Variants in KAZN observed in about 807,000 individuals in gnomAD.
KAZN encodes kazrin, periplakin interacting protein.
KAZN carries 40 observed loss-of-function variants against 87.4 expected under a neutral mutation model. That is an observed-to-expected ratio of 0.46 (90% CI 0.36 to 0.60). The LOEUF (loss-of-function observed/expected upper bound fraction) is 0.60, where lower values mean the gene tolerates loss of function less well. KAZN is among the 20% of genes least tolerant of loss of function. The pLI is 0.00. For missense variants in KAZN, 898 were observed against 1,073.9 expected (o/e 0.84, Z 2.29); for synonymous variants, 466 against 458.3 (o/e 1.02, Z -0.22).
chr1:14,014,004 C>T (rs540588146), intron 1 of KAZN, among the ~76,000 whole-genome samples: 15 of 152,272 alleles, frequency 9.9e-5, no homozygotes, highest in Admixed American at 5.9e-4. Flanking sequence ...TCAGGAGGAA[C>T]GGGTGTTGCT....
rs1253074148 is a variant in KAZN at position 14,126,348 on chromosome 1, T to TC, written c.92-54083dup. Among the ~76,000 whole-genome samples, 19 of 69,434 alleles carry TC rather than the reference T, an allele frequency of 2.7e-4. No individual in the cohort carries two copies. In the East Asian group the frequency reaches 2.9e-3, roughly 11 times the overall value. The allele number at this position is 69,434 out of a possible 152,430, so 45.6% of individuals were successfully genotyped here. A position where few individuals can be genotyped will look rare whatever the true frequency, so the allele number is the denominator to read the frequency against. On this transcript the variant is annotated intron_variant, in intron 1 of 16. Transcript: ENST00000636203. ...CCATGTATCATAAAGGCAGAAGCTCTCCCCTCCCCCCCCCCGTCAAGATGC... is the reference window on the plus strand; with the variant it reads ...CCATGTATCATAAAGGCAGAAGCTCTCCCCCTCCCCCCCCCCGTCAAGATGC...
At position 14,735,783 on chromosome 1, in the gene KAZN, C is replaced by T. The variant is rs1462523900; in HGVS notation, c.226+136560C>T. Among the ~76,000 whole-genome samples the T allele has an allele frequency of 1.3e-5, 2 of 152,180 alleles. No individual in the cohort carries two copies. Among genetic ancestry groups the T allele is most frequent in the African/African-American group, 2.4e-5 (1 of 41,448 alleles). On this transcript the variant is annotated intron_variant, in intron 1 of 14. Transcript: ENST00000376030. This position sits in a 1 kb window ranked among gnomAD's most constrained non-coding sequence, Gnocchi z 4.3. ...ATGTCCACGATAGTCCAAGAAGCGC[C>T]GTCCCTGGCCCTGGGTTTGGTAAGT... is the stretch of plus-strand genomic sequence containing the variant.
intron 2 of KAZN, among the ~76,000 whole-genome samples, chr1:14,312,270 C>T (rs1557632626): frequency 6.6e-6 from 1 of 152,250 alleles, no homozygotes; most frequent in Admixed American, 6.5e-5. Context: ...ACATATAGCC[C>T]TGTTTCTTTC....
intron 1 of KAZN, among the ~76,000 whole-genome samples, chr1:14,139,877 A>T (rs1409988228): frequency 6.6e-6 from 1 of 152,020 alleles, no homozygotes; most frequent in African/African-American, 2.4e-5. Flanking sequence ...TAAAGCATGG[A>T]GTAATTGATT....
At chr1:15,048,145 C>A (rs538812414) in intron 4 of KAZN, among the ~76,000 whole-genome samples, 1 of 152,356 alleles carries the variant, frequency 6.6e-6, no homozygotes, top group East Asian at 1.9e-4. Flanking sequence ...TCGTCCCTCC[C>A]CCCATGTCCT....
At chr1:14,634,626 G>A (rs969163984) in intron 1 of KAZN, among the ~76,000 whole-genome samples, 2 of 152,160 alleles carry the variant, frequency 1.3e-5, no homozygotes, top group Non-Finnish European at 2.9e-5. Context: ...TCCCCTACCC[G>A]TTCAGTAACA....
rs1641797989 is a variant in KAZN at position 15,115,126 on chromosome 1, G to C, written c.*491G>C. On this transcript the variant is annotated 3_prime_UTR_variant, in exon 15 of 15. Transcript: ENST00000376030. The surrounding 1 kb of genome is among the most constrained non-coding windows in gnomAD (Gnocchi z 4.1). ...CTGCCTCTTGCCGAGACGTCGGACAGGGCGGGGGTTGGGGAACTCTCGGCT... is the reference window on the plus strand; with the variant it reads ...CTGCCTCTTGCCGAGACGTCGGACACGGCGGGGGTTGGGGAACTCTCGGCT... 6.5e-6 allele frequency: 1 copy of C among 153,538 alleles called. No homozygotes were observed. The highest frequency in any genetic ancestry group is 2.4e-5 in the African/African-American group (1 of 41,492). The allele number at this position is 153,538 out of a possible 1,614,324, so 9.5% of individuals were successfully genotyped here. A position where few individuals can be genotyped will look rare whatever the true frequency, so the allele number is the denominator to read the frequency against.
At chr1:14,916,167 G>GTTTT (rs1557616892) in intron 1 of KAZN, among the ~76,000 whole-genome samples, 1 of 61,416 alleles carries the variant, frequency 1.6e-5, no homozygotes, top group African/African-American at 5.5e-5. Context: ...TTTCACTGTT[G>GTTTT]TTCTTTTTTT....
At chr1:14,895,217 G>T (rs553783743) in intron 1 of KAZN, among the ~76,000 whole-genome samples, 18 of 152,360 alleles carry the variant, frequency 1.2e-4, no homozygotes, top group Non-Finnish European at 2.5e-4. Context: ...CTCAGCTGCA[G>T]CCATGGGGGC....
At chr1:14,640,470 A>G (rs1572111356) in intron 1 of KAZN, among the ~76,000 whole-genome samples, 1 of 152,190 alleles carries the variant, frequency 6.6e-6, no homozygotes, top group Non-Finnish European at 1.5e-5. Context: ...TGTAGCCATT[A>G]GCAGGGGACA....
chr1:14,907,711 A>T (rs577405402), intron 1 of KAZN, among the ~76,000 whole-genome samples: 1 of 152,230 alleles, frequency 6.6e-6, no homozygotes, highest in Admixed American at 6.5e-5. Flanking sequence ...TGGAAAGGAG[A>T]ATATTCCTGG....
At chr1:14,922,339 G>A (rs1658615033) in intron 1 of KAZN, among the ~76,000 whole-genome samples, 1 of 152,096 alleles carries the variant, frequency 6.6e-6, no homozygotes, top group African/African-American at 2.4e-5. Flanking sequence ...TCCGCTCTCG[G>A]GTGCTCAGAG....
intron 1 of KAZN, chr1:14,946,319 C>CTG (rs2101673044): frequency 1.4e-5 from 2 of 146,650 alleles, no homozygotes; most frequent in African/African-American, 5.3e-5. Flanking sequence ...AATTCTCTCT[C>CTG]TCTTTTTTTT....
intron 2 of KAZN, among the ~76,000 whole-genome samples, chr1:14,533,760 A>G (rs72645981): frequency 1.0e-3 from 158 of 152,204 alleles, no homozygotes; most frequent in Non-Finnish European, 1.1e-3. Flanking sequence ...ACAATCCACA[A>G]TTTCTCTCCT....
At chr1:13,981,967 C>T (rs1638740265) in intron 1 of KAZN, among the ~76,000 whole-genome samples, 1 of 152,174 alleles carries the variant, frequency 6.6e-6, no homozygotes, top group South Asian at 2.1e-4. Flanking sequence ...AGCCACTTGG[C>T]CGAAGTCACA....
intron 1 of KAZN, among the ~76,000 whole-genome samples, chr1:14,771,680 G>T (rs1254006254): frequency 6.6e-6 from 1 of 152,102 alleles, no homozygotes; most frequent in Non-Finnish European, 1.5e-5. Flanking sequence ...ACAAAAATTA[G>T]CCAGGCCTGG....
intron 2 of KAZN, among the ~76,000 whole-genome samples, chr1:15,019,004 C>T (rs946581630): frequency 2.6e-5 from 4 of 152,280 alleles, no homozygotes; most frequent in Non-Finnish European, 4.4e-5. Context: ...ACATGGCGGG[C>T]GGGAGGCTGA....
intron 1 of KAZN, among the ~76,000 whole-genome samples, chr1:14,806,697 C>T (rs900389182): frequency 3.9e-5 from 6 of 152,160 alleles, no homozygotes; most frequent in Non-Finnish European, 8.8e-5. Context: ...ACACTCCCAA[C>T]CTAACCACTA....
At chr1:14,721,131 G>T (rs942983988) in intron 1 of KAZN, among the ~76,000 whole-genome samples, 21 of 152,216 alleles carry the variant, frequency 1.4e-4, no homozygotes, top group African/African-American at 5.1e-4. Flanking sequence ...TGTTGATGTG[G>T]CTTGGCAGTG....
Sources: gnomAD v4.1 joint callset for allele counts (sites outside exome capture counted in the v4.1 genomes callset) on GRCh38, gnomAD v4.1.1 for gene constraint, Gnocchi (gnomAD v3.1) non-coding constraint, MANE v1.5 for transcripts, NCBI Gene and HGNC (gene_info 2026-07-23, HGNC 2026-07-21) for gene names.